The following FBXO4 variants were observed in gnomAD, a reference collection of about 807,000 sequenced individuals.
The protein encoded by FBXO4 is F-box only protein 4.
FBXO4 carries 36 observed loss-of-function variants against 43.7 expected under a neutral mutation model. The observed-to-expected ratio is 0.82, with a 90% CI of 0.63 to 1.09. The LOEUF (loss-of-function observed/expected upper bound fraction) is 1.09, where lower values mean the gene tolerates loss of function less well. FBXO4 is among the 50% of genes least tolerant of loss of function. The probability of loss-of-function intolerance (pLI) is 0.00; values close to 1 mark genes in which losing one functional copy is unlikely to be tolerated. For missense variants in FBXO4, 435 were observed against 474.1 expected (o/e 0.92, Z 0.77); for synonymous variants, 180 against 165.6 (o/e 1.09, Z -0.67).
chr5:41,953,698 G>A, the FBXO4 span, among the ~76,000 whole-genome samples: 2 of 151,830 alleles, frequency 1.3e-5, no homozygotes, highest in East Asian at 1.9e-4. Context: ...TCTAACTGGT[G>A]TGAGCTGGTA....
chr5:41,989,207 T>C, the FBXO4 span, among the ~76,000 whole-genome samples: 11 of 152,296 alleles, frequency 7.2e-5, no homozygotes, highest in East Asian at 2.1e-3. Context: ...TGTAAATTAA[T>C]TAGATATTAT....
chr5:42,010,227 C>T, the FBXO4 span, among the ~76,000 whole-genome samples: 509 of 152,138 alleles, frequency 3.3e-3, 2 homozygotes, highest in African/African-American at 0.012. Flanking sequence ...TGGGCAGGTG[C>T]GGTGGCTCAC....
At chr5:41,988,011 G>T in the FBXO4 span, among the ~76,000 whole-genome samples, 1 of 152,202 alleles carries the variant, frequency 6.6e-6, no homozygotes, top group East Asian at 1.9e-4. Flanking sequence ...TTCAACTTGT[G>T]TTTTTTGCTT....
the FBXO4 span, among the ~76,000 whole-genome samples, chr5:42,037,125 C>A: frequency 6.6e-6 from 1 of 152,050 alleles, no homozygotes; most frequent in Non-Finnish European, 1.5e-5. Flanking sequence ...TATTATTTAT[C>A]CTCACTACAG....
the FBXO4 span, among the ~76,000 whole-genome samples, chr5:41,960,087 A>C: frequency 6.6e-6 from 1 of 152,084 alleles, no homozygotes; most frequent in Non-Finnish European, 1.5e-5. Flanking sequence ...TCTTAGGTGA[A>C]TATATCCCTA....
intron 5 of FBXO4, 162 bp downstream of exon 5, chr5:41,934,470 T>C: frequency 6.9e-7 from 1 of 1,447,550 alleles, no homozygotes; most frequent in South Asian, 1.5e-5. Context: ...CACTTTTGTG[T>C]GTATTAGGAT....
At chr5:42,024,397 A>T in the FBXO4 span, among the ~76,000 whole-genome samples, 2 of 151,864 alleles carry the variant, frequency 1.3e-5, no homozygotes, top group South Asian at 2.1e-4. Context: ...ACTCTTTTTT[A>T]AAATTTTATA....
At chr5:42,014,545 G>T in the FBXO4 span, among the ~76,000 whole-genome samples, 7 of 152,076 alleles carry the variant, frequency 4.6e-5, no homozygotes, top group Non-Finnish European at 1.0e-4. Flanking sequence ...CCTGCCATTT[G>T]CCAATACTAG....
chr5:42,031,621 TAAAA>T, the FBXO4 span, among the ~76,000 whole-genome samples: 1 of 151,820 alleles, frequency 6.6e-6, no homozygotes, highest in Non-Finnish European at 1.5e-5. Flanking sequence ...ATAATAAAAT[TAAAA>T]AAACAAACAA....
At chr5:41,989,223 A>G in the FBXO4 span, among the ~76,000 whole-genome samples, 3 of 152,164 alleles carry the variant, frequency 2.0e-5, no homozygotes, top group Non-Finnish European at 4.4e-5. Flanking sequence ...ATTATCATTG[A>G]TATACTTAAT....
At chr5:42,039,997 C>T in the FBXO4 span, among the ~76,000 whole-genome samples, 1 of 152,064 alleles carries the variant, frequency 6.6e-6, no homozygotes, top group Non-Finnish European at 1.5e-5. Context: ...GAAACTGAGC[C>T]TCAGATGAAA....
the FBXO4 span, among the ~76,000 whole-genome samples, chr5:41,999,486 TATATATAC>T: frequency 2.0e-5 from 2 of 100,006 alleles, no homozygotes; most frequent in South Asian, 2.6e-4. Context: ...TACACATATA[TATATATAC>T]ATATATATAT....
the FBXO4 span, among the ~76,000 whole-genome samples, chr5:41,969,023 T>C: frequency 6.6e-6 from 1 of 152,232 alleles, no homozygotes; most frequent in African/African-American, 2.4e-5. Context: ...CCAACAAATG[T>C]ATTGTTTTTC....
At chr5:41,987,352 C>T in the FBXO4 span, among the ~76,000 whole-genome samples, 1 of 152,144 alleles carries the variant, frequency 6.6e-6, no homozygotes, top group Non-Finnish European at 1.5e-5. Context: ...ACTGACCTCC[C>T]CTAACCTGGG....
chr5:41,988,315 T>C, the FBXO4 span, among the ~76,000 whole-genome samples: 1 of 152,126 alleles, frequency 6.6e-6, no homozygotes, highest in East Asian at 1.9e-4. Flanking sequence ...CAGGTTAGGC[T>C]CTGGTTAAAT....
At chr5:42,013,181 G>T in the FBXO4 span, among the ~76,000 whole-genome samples, 2 of 152,104 alleles carry the variant, frequency 1.3e-5, no homozygotes, top group African/African-American at 2.4e-5. Flanking sequence ...GTGCGCACCT[G>T]TGGTCCCAGC....
the FBXO4 span, among the ~76,000 whole-genome samples, chr5:42,003,809 CA>C: frequency 1.3e-5 from 2 of 152,000 alleles, no homozygotes; most frequent in East Asian, 3.9e-4. Flanking sequence ...TTGTGGAAGA[CA>C]GTGTGGTGAT....
the FBXO4 span, among the ~76,000 whole-genome samples, chr5:41,980,712 T>G: frequency 1.3e-5 from 2 of 152,110 alleles, no homozygotes; most frequent in Non-Finnish European, 2.9e-5. Context: ...TTACTTAGAT[T>G]TATCCAATAG....
At chr5:42,023,124 C>G in the FBXO4 span, among the ~76,000 whole-genome samples, 3 of 152,042 alleles carry the variant, frequency 2.0e-5, no homozygotes, top group East Asian at 5.8e-4. Context: ...GAAGTGAACC[C>G]ACTTTCTAGG....
Sources: allele counts gnomAD v4.1 joint callset (sites outside exome capture counted in the v4.1 genomes callset), GRCh38; gene constraint gnomAD v4.1.1; transcripts MANE v1.5; gene names NCBI Gene and HGNC (gene_info 2026-07-23, HGNC 2026-07-21).